DSN1: variants seen among roughly 807,000 people sequenced by gnomAD.
DSN1 encodes the protein kinetochore-associated protein DSN1 homolog.
In DSN1, 31 loss-of-function variants were observed where a neutral mutation model predicts 45.7. The ratio of observed to expected loss-of-function variants is 0.68; its 90% CI spans 0.51 to 0.92. The LOEUF is 0.92. DSN1 is among the 40% of genes least tolerant of loss of function. DSN1 has a pLI of 0.00. For synonymous variants in DSN1, 134 were observed against 142.3 expected (o/e 0.94, Z 0.41); for missense variants, 394 against 414.2 (o/e 0.95, Z 0.42).
intron 3 of DSN1, among the ~76,000 whole-genome samples, chr20:36,769,902 TACACACACACACAC>T (rs66970744): frequency 8.3e-4 from 97 of 117,330 alleles, no homozygotes; most frequent in Non-Finnish European, 1.1e-3. Context: ...TCACTGTAGA[TACACACACACACAC>T]ACACACACAC....
At chr20:36,769,977 G>T (rs1294140414) in intron 3 of DSN1, among the ~76,000 whole-genome samples, 1 of 149,732 alleles carries the variant, frequency 6.7e-6, no homozygotes, top group East Asian at 2.0e-4. Flanking sequence ...AAAGTGAGGC[G>T]GGGGTGGGTG....
chr20:36,771,626 T>A lies in DSN1; in HGVS notation c.-15-153A>T, dbSNP rs181251814. On this transcript the variant is annotated intron_variant, in intron 1 of 10. Transcript: ENST00000373750. ...TGACAGAGAATATCAGCAGGGGCCATCACCTCCTCTTCTGAATTTCTATAC... is the reference window on the plus strand; with the variant it reads ...TGACAGAGAATATCAGCAGGGGCCAACACCTCCTCTTCTGAATTTCTATAC... 1.3e-3 allele frequency among the ~76,000 whole-genome samples: 197 copies of A among 152,328 alleles called. 2 individuals carry two copies. The highest frequency in any genetic ancestry group is 2.8e-4 in the Non-Finnish European group (19 of 68,020).
chr20:36,766,887 G>A (rs745932092), intron 4 of DSN1, 46 bp from the exon 5 acceptor site: 1 of 1,356,288 alleles, frequency 7.4e-7, no homozygotes, highest in South Asian at 1.3e-5. Flanking sequence ...AAAACTTCCA[G>A]GCCAGTCCTA....
chr20:36,753,331 C>A (rs1396468054), intron 10 of DSN1, among the ~76,000 whole-genome samples: 2 of 148,266 alleles, frequency 1.3e-5, no homozygotes, highest in Admixed American at 1.3e-4. Flanking sequence ...CAGAGCAAGA[C>A]CCTGTCTAAA....
chr20:36,768,778 G>C (rs1271829485), intron 3 of DSN1, among the ~76,000 whole-genome samples: 1 of 152,140 alleles, frequency 6.6e-6, no homozygotes, highest in Non-Finnish European at 1.5e-5. Flanking sequence ...TTTTACAAAT[G>C]GGAAAACTGC....
chr20:36,754,803 A>C lies in DSN1; in HGVS notation c.921T>G (p.Asp307Glu), dbSNP rs1320357627. 1.2e-6 allele frequency: 2 copies of C among 1,613,950 alleles called. No homozygotes were observed. The highest frequency in any genetic ancestry group is 2.2e-5 in the South Asian group (2 of 91,082). The change falls in exon 10 of 11, where the codon GAT (aspartate) becomes GAG (glutamate). Residue 307 changes from aspartate to glutamate, a missense_variant. Asp to Glu is a conservative substitution (Grantham distance 45). Coordinates refer to ENST00000373750, the MANE Select transcript of DSN1 (RefSeq NM_001145315.2). ...GSVKQLQAFM[D>E]ESTQCFQKVS... The stretch of plus-strand genomic sequence containing the variant: ...CCTTCTGGAAGCACTGGGTACTTTC[A>C]TCCATAAAGGCCTGCAGCTGTTTCA...
chr20:36,771,010 A>C lies in DSN1; in HGVS notation c.218T>G (p.Leu73Arg). 5 of 1,614,192 alleles carry C rather than the reference A, an allele frequency of 3.1e-6. No homozygotes were observed. The highest frequency in any genetic ancestry group is 4.2e-6 in the Non-Finnish European group (5 of 1,180,036). Residue 73 changes from leucine to arginine, a missense_variant, in exon 3 of 11, where the codon CTT becomes CGT. Transcript: ENST00000373750. Reference protein sequence around the residue: ...GNCDLSHQERLQSKSLHLSPQ... With the variant: ...GNCDLSHQERRQSKSLHLSPQ... ...AGACAAATGAAGGGACTTCGACTGA[A>C]GTCTTTCCTGGTGGCTGAGATCACA... is the stretch of plus-strand genomic sequence containing the variant.
At chr20:36,762,164 G>T (rs6029308) in intron 6 of DSN1, among the ~76,000 whole-genome samples, 142,875 of 142,876 alleles carry the variant, frequency 1, 71,437 homozygotes, top group Middle Eastern at 1. Flanking sequence ...TGGAGTGCAG[G>T]GGCGCGATCT....
intron 4 of DSN1, among the ~76,000 whole-genome samples, chr20:36,767,388 A>G (rs531801394): frequency 1.3e-4 from 17 of 130,584 alleles, no homozygotes; most frequent in African/African-American, 4.2e-4. Flanking sequence ...CGGTTCAGGA[A>G]AAAAAAAAGG....
chr20:36,771,390 A>G (rs1399101203), intron 2 of DSN1, 35 bp downstream of exon 2: 7 of 1,605,740 alleles, frequency 4.4e-6, no homozygotes, highest in Non-Finnish European at 6.0e-6. Flanking sequence ...CCTGAACCCA[A>G]GGTAAGAGGT....
chr20:36,765,564 A>T (rs1029733291), intron 5 of DSN1, among the ~76,000 whole-genome samples: 14 of 152,012 alleles, frequency 9.2e-5, no homozygotes, highest in Non-Finnish European at 1.8e-4. Flanking sequence ...TAATCCTAGC[A>T]CTTTGGAAGG....
chr20:36,768,902 C>T (rs1048192139), intron 3 of DSN1, among the ~76,000 whole-genome samples: 6 of 152,298 alleles, frequency 3.9e-5, no homozygotes, highest in Non-Finnish European at 7.3e-5. Context: ...ACCACACTGC[C>T]TCTCTATAAT....
chr20:36,766,111 T>C (rs1987318484), intron 5 of DSN1, among the ~76,000 whole-genome samples: 1 of 148,806 alleles, frequency 6.7e-6, no homozygotes, highest in Admixed American at 6.8e-5. Flanking sequence ...GGAGAATCGC[T>C]TGAACCCAGG....
chr20:36,771,217 A>G, intron 2 of DSN1, 24 bp from the exon 3 acceptor site: 1 of 1,566,180 alleles, frequency 6.4e-7, no homozygotes, highest in Non-Finnish European at 8.6e-7. Context: ...TAAAAAAGTC[A>G]AAATACAAGA....
chr20:36,758,333 T>A (rs1986785699), intron 7 of DSN1, among the ~76,000 whole-genome samples, 172 bp from the exon 8 acceptor site: 1 of 152,244 alleles, frequency 6.6e-6, no homozygotes, highest in Admixed American at 6.5e-5. Context: ...ATATCAAACC[T>A]GAGTTCTTCA....
chr20:36,766,800 C>T lies in DSN1; in HGVS notation c.471G>A (p.Lys157=), dbSNP rs1987363706. ...QKLEPFLRDT[K]GFSLESFRAK... ...CTCTAAAACTTTCAAGACTGAAGCC[C>T]TTAGTGTCCCTTAGGAAAGGTTCAA... The change falls in exon 5 of 11, where the codon AAG becomes AAA. Residue 157 remains lysine, a synonymous_variant. Transcript: ENST00000373750. 1 of 1,609,690 alleles carries T rather than the reference C, an allele frequency of 6.2e-7. No individual in the cohort carries two copies. Among genetic ancestry groups the T allele is most frequent in the African/African-American group, 1.3e-5 (1 of 74,652 alleles).
At chr20:36,756,033 G>C (rs866381419) in intron 8 of DSN1, among the ~76,000 whole-genome samples, 1 of 151,934 alleles carries the variant, frequency 6.6e-6, no homozygotes, top group Non-Finnish European at 1.5e-5. Context: ...GAGTGCAGTG[G>C]TGCGGTCTCA....
chr20:36,762,096 A>C (rs1987017639), intron 6 of DSN1, among the ~76,000 whole-genome samples: 1 of 149,812 alleles, frequency 6.7e-6, no homozygotes, highest in African/African-American at 2.5e-5. Flanking sequence ...CAAAAGTCCT[A>C]ATTCTTTTTT....
chr20:36,762,697 G>A (rs1168336653), intron 5 of DSN1, 149 bp from the exon 6 acceptor site: 5 of 571,440 alleles, frequency 8.7e-6, no homozygotes, highest in Non-Finnish European at 1.5e-5. Context: ...AGTTAAGTAT[G>A]TAGAAAGATT....
Sources: allele counts gnomAD v4.1 joint callset (sites outside exome capture counted in the v4.1 genomes callset), GRCh38; gene constraint gnomAD v4.1.1; transcripts MANE v1.5; gene names NCBI Gene and HGNC (gene_info 2026-07-23, HGNC 2026-07-21).